ALDH18A1: variants seen among roughly 807,000 people sequenced by gnomAD.
The protein encoded by ALDH18A1 is delta-1-pyrroline-5-carboxylate synthase.
ALDH18A1 carries 44 observed loss-of-function variants against 88.8 expected under a neutral mutation model. That is an observed-to-expected ratio of 0.50 (90% CI 0.39 to 0.64). The LOEUF (loss-of-function observed/expected upper bound fraction) is 0.64. ALDH18A1 is among the 30% of genes least tolerant of loss of function. The pLI, the probability that ALDH18A1 is intolerant of heterozygous loss-of-function variation, is 0.00. For synonymous variants in ALDH18A1, 331 were observed against 372.1 expected (o/e 0.89, Z 1.27); for missense variants, 782 against 1,009.5 (o/e 0.77, Z 3.05).
At chr10:95,655,301 AAGAG>A (rs976451509) in intron 1 of ALDH18A1, among the ~76,000 whole-genome samples, 1 of 152,194 alleles carries the variant, frequency 6.6e-6, no homozygotes, top group Non-Finnish European at 1.5e-5. Flanking sequence ...TGAGAATTAA[AAGAG>A]AGAATGCGTG....
intron 2 of ALDH18A1, among the ~76,000 whole-genome samples, chr10:95,651,373 T>A (rs879861772): frequency 6.6e-6 from 1 of 152,192 alleles, no homozygotes; most frequent in Non-Finnish European, 1.5e-5. Context: ...AGTAGGAATG[T>A]AAAATGGTAC....
At chr10:95,628,572 C>G in intron 7 of ALDH18A1, 80 bp from the exon 8 acceptor site, 1 of 1,543,678 alleles carries the variant, frequency 6.5e-7, no homozygotes, top group South Asian at 1.1e-5. Flanking sequence ...ACCTGCCAAT[C>G]ACTCTGTACT....
chr10:95,643,655 T>C (rs887902538), intron 2 of ALDH18A1, among the ~76,000 whole-genome samples: 5 of 152,256 alleles, frequency 3.3e-5, no homozygotes, highest in African/African-American at 1.2e-4. Context: ...GTTAATTTCA[T>C]ATACATGTAT....
chr10:95,642,253 A>G (rs1403049057), intron 3 of ALDH18A1, among the ~76,000 whole-genome samples: 1 of 152,160 alleles, frequency 6.6e-6, no homozygotes, highest in African/African-American at 2.4e-5. Context: ...ATTCATTTAT[A>G]TATTATCTAT....
chr10:95,645,947 A>G (rs2097900644), intron 2 of ALDH18A1, among the ~76,000 whole-genome samples: 1 of 152,222 alleles, frequency 6.6e-6, no homozygotes, highest in Admixed American at 6.5e-5. Context: ...TATCCTAAGC[A>G]ATATGTACAA....
At position 95,611,415 on chromosome 10, in the gene ALDH18A1, C is replaced by T; in HGVS notation, c.1951G>A (p.Ala651Thr). 6.2e-7 allele frequency: 1 copy of T among 1,614,148 alleles called. No homozygotes were observed. Among genetic ancestry groups the T allele is most frequent in the Non-Finnish European group, 8.5e-7 (1 of 1,180,024 alleles). ...QVKIHAGPKFASYLTFSPSEV... is the reference protein window; with the variant it reads ...QVKIHAGPKFTSYLTFSPSEV... Reference sequence around the variant, plus strand: ...GAGGGGCTGAAGGTCAGATAGGAGGCAAATTTGGGGCCTGCATGAATTTTT... The same window carrying T: ...GAGGGGCTGAAGGTCAGATAGGAGGTAAATTTGGGGCCTGCATGAATTTTT... Residue 651 changes from alanine (A) to threonine (T), a missense_variant, in exon 16 of 18, where the codon GCC (alanine) becomes ACC (threonine). Around this residue, in one of 3 missense-constraint regions of ALDH18A1, gnomAD observed 556 missense variants for 654.5 expected, o/e 0.85. Coordinates refer to ENST00000371224, the MANE Select transcript of ALDH18A1 (RefSeq NM_002860.4).
At chr10:95,645,584 G>C (rs1442132816) in intron 2 of ALDH18A1, among the ~76,000 whole-genome samples, 2 of 152,150 alleles carry the variant, frequency 1.3e-5, no homozygotes, top group Non-Finnish European at 1.5e-5. Flanking sequence ...ACATATCTTA[G>C]AAAGAACATT....
chr10:95,630,580 G>A (rs1212344851), intron 7 of ALDH18A1, among the ~76,000 whole-genome samples: 1 of 137,040 alleles, frequency 7.3e-6, no homozygotes, highest in African/African-American at 2.5e-5. Context: ...GCGTGATAGC[G>A]CACACCTGTA....
At chr10:95,641,529 G>A (rs2097891558) in intron 3 of ALDH18A1, among the ~76,000 whole-genome samples, 1 of 138,254 alleles carries the variant, frequency 7.2e-6, no homozygotes, top group South Asian at 2.7e-4. Flanking sequence ...GCGGGTGGGG[G>A]GGTGGTCAGG....
chr10:95,635,074 A>C (rs1443990032), intron 5 of ALDH18A1, among the ~76,000 whole-genome samples: 1 of 152,188 alleles, frequency 6.6e-6, no homozygotes, highest in Non-Finnish European at 1.5e-5. Flanking sequence ...ACTCGATAAA[A>C]AATTTGTTGA....
chr10:95,619,094 C>T (rs751206894), intron 12 of ALDH18A1, among the ~76,000 whole-genome samples: 60 of 152,142 alleles, frequency 3.9e-4, no homozygotes, highest in South Asian at 1.0e-3. Context: ...AAAATATATT[C>T]TTCAGGATAC....
intron 11 of ALDH18A1, among the ~76,000 whole-genome samples, chr10:95,624,303 CT>C (rs34704889): frequency 0.086 from 13,136 of 152,258 alleles, 695 homozygotes; most frequent in Middle Eastern, 0.16. Context: ...CAACAACAAG[CT>C]GTGGAACCTT....
chr10:95,647,513 T>C (rs2097903151), intron 2 of ALDH18A1, among the ~76,000 whole-genome samples: 1 of 152,252 alleles, frequency 6.6e-6, no homozygotes, highest in African/African-American at 2.4e-5. Flanking sequence ...ACTCTAATAA[T>C]CCTTTTTACA....
intron 2 of ALDH18A1, 98 bp downstream of exon 2, chr10:95,653,192 C>G: frequency 8.3e-7 from 1 of 1,208,970 alleles, no homozygotes; most frequent in Non-Finnish European, 1.2e-6. Context: ...TGTCTCCAAA[C>G]AAACAAACAA....
intron 2 of ALDH18A1, among the ~76,000 whole-genome samples, chr10:95,650,419 G>A (rs2097908630): frequency 6.6e-6 from 1 of 152,210 alleles, no homozygotes; most frequent in Non-Finnish European, 1.5e-5. Flanking sequence ...CCCAGTGTTG[G>A]AGGTGGGGCC....
In ALDH18A1 at chr10:95,637,729, G is replaced by A. The variant is rs7069943; in HGVS notation, c.304-293C>T. ...CATGCCTGTAATCCCAGCACTTTGGGAGGCCAAGGCAGGCACAATGCCTGA... is the reference window on the plus strand; with the variant it reads ...CATGCCTGTAATCCCAGCACTTTGGAAGGCCAAGGCAGGCACAATGCCTGA... On this transcript the variant is annotated intron_variant, in intron 3 of 17. Transcript: ENST00000371224. 0.35 allele frequency among the ~76,000 whole-genome samples: 52,708 copies of A among 151,958 alleles called. 9,802 individuals are homozygous for A. Among genetic ancestry groups the A allele is most frequent in the East Asian group, 0.7 (3,588 of 5,148 alleles).
intron 17 of ALDH18A1, 22 bp from the exon 18 acceptor site, chr10:95,606,965 A>T: frequency 6.2e-7 from 1 of 1,612,358 alleles, no homozygotes; most frequent in Non-Finnish European, 8.5e-7. Context: ...CATGAATAAA[A>T]GATGTAGCTT....
At chr10:95,639,921 CTT>C (rs879698425) in intron 3 of ALDH18A1, among the ~76,000 whole-genome samples, 1 of 142,898 alleles carries the variant, frequency 7.0e-6, no homozygotes, top group Non-Finnish European at 1.5e-5. Flanking sequence ...GGTATGAAGG[CTT>C]TTTTTTTTTT....
At chr10:95,631,473 G>A (rs1053246236) in intron 7 of ALDH18A1, among the ~76,000 whole-genome samples, 36 of 152,052 alleles carry the variant, frequency 2.4e-4, no homozygotes, top group Admixed American at 1.3e-3. Flanking sequence ...GGCCGGGCGC[G>A]GTGGCTCACA....
Sources: allele counts gnomAD v4.1 joint callset (sites outside exome capture counted in the v4.1 genomes callset), GRCh38; gene constraint gnomAD v4.1.1; regional missense constraint gnomAD v4.1.1; transcripts MANE v1.5; gene names NCBI Gene and HGNC (gene_info 2026-07-23, HGNC 2026-07-21).